Variants in GLIS3 observed in about 807,000 individuals in gnomAD.
GLIS3 encodes zinc finger protein GLIS3.
Under a neutral mutation model 78.6 loss-of-function variants are expected in GLIS3, and 53 were observed. The ratio of observed to expected loss-of-function variants is 0.67; its 90% CI spans 0.54 to 0.85. GLIS3 has a LOEUF of 0.85. GLIS3 is among the 40% of genes least tolerant of loss of function. GLIS3 has a pLI of 0.00. For missense variants in GLIS3, 1,703 were observed against 1,231.1 expected, an observed-to-expected ratio of 1.38 and a Z score of -5.74; for synonymous variants, 684 against 509.9, an observed-to-expected ratio of 1.34 and a Z score of -4.60.
At chr9:3,986,278 T>C (rs1433344274) in intron 4 of GLIS3, among the ~76,000 whole-genome samples, 2 of 152,190 alleles carry the variant, frequency 1.3e-5, no homozygotes, top group Admixed American at 6.5e-5. Context: ...GAGTCCATCA[T>C]GACCGAAAAA....
rs561168422 is a variant in GLIS3 at position 3,879,183 on chromosome 9, T to G, written c.2297+244A>C. ...AAAGACAGGGAAATTCTGGTGTGTT[T>G]CCAGCATCTGAAACTTTGGCTGGCT... On this transcript the variant is annotated intron_variant, in intron 8 of 10. Coordinates refer to ENST00000381971, the MANE Select transcript of GLIS3 (RefSeq NM_001042413.2). 2.6e-5 allele frequency among the ~76,000 whole-genome samples: 4 copies of G among 152,312 alleles called. No homozygotes were observed. The East Asian group carries it at 7.7e-4, about 29-fold the overall frequency.
chr9:4,328,600 C>A (rs944456096), intron 2 of GLIS3, among the ~76,000 whole-genome samples: 2 of 152,192 alleles, frequency 1.3e-5, no homozygotes, highest in Non-Finnish European at 2.9e-5. Context: ...ACTTCTGAAC[C>A]AAATCATGAT....
At chr9:4,135,058 T>C (rs187825092) in intron 2 of GLIS3, among the ~76,000 whole-genome samples, 7 of 152,242 alleles carry the variant, frequency 4.6e-5, no homozygotes, top group African/African-American at 1.7e-4. Flanking sequence ...AAGAAATACA[T>C]TATTTATTGT....
intron 7 of GLIS3, among the ~76,000 whole-genome samples, chr9:3,890,746 C>A (rs183546464): frequency 6.7e-6 from 1 of 149,670 alleles, no homozygotes; most frequent in Non-Finnish European, 1.5e-5. Context: ...ACAAAACAAA[C>A]CAAACAACAA....
chr9:4,195,584 C>A (rs112469609), intron 2 of GLIS3, among the ~76,000 whole-genome samples: 3 of 152,372 alleles, frequency 2.0e-5, no homozygotes, highest in Admixed American at 2.0e-4. Context: ...CTCCCCTCCA[C>A]GGGCTCCCAC....
At chr9:4,254,028 C>A (rs1456372969) in intron 2 of GLIS3, among the ~76,000 whole-genome samples, 1 of 152,162 alleles carries the variant, frequency 6.6e-6, no homozygotes, top group Non-Finnish European at 1.5e-5. Flanking sequence ...GAGCTGCAGA[C>A]CTGAGTTGTT....
intron 8 of GLIS3, among the ~76,000 whole-genome samples, chr9:3,856,939 A>G (rs10973850): frequency 0.41 from 62,051 of 152,010 alleles, 13,001 homozygotes; most frequent in South Asian, 0.48. Context: ...TATGAAATGG[A>G]TGATTGTACA....
At chr9:3,979,665 A>G (rs145453193) in intron 4 of GLIS3, among the ~76,000 whole-genome samples, 45 of 152,210 alleles carry the variant, frequency 3.0e-4, no homozygotes, top group Middle Eastern at 3.4e-3. Context: ...CACAACACTT[A>G]CCACACAGTT....
At chr9:4,057,778 C>G (rs1314295562) in intron 4 of GLIS3, among the ~76,000 whole-genome samples, 2 of 152,044 alleles carry the variant, frequency 1.3e-5, no homozygotes, top group Non-Finnish European at 2.9e-5. Flanking sequence ...TTGGCAAAGA[C>G]ATGATAATAC....
intron 2 of GLIS3, among the ~76,000 whole-genome samples, chr9:4,230,454 C>G (rs1319918300): frequency 6.6e-6 from 1 of 152,118 alleles, no homozygotes; most frequent in African/African-American, 2.4e-5. Context: ...TGAAAATACC[C>G]AGATAGCCAC....
chr9:4,023,246 T>C (rs917972936), intron 4 of GLIS3, among the ~76,000 whole-genome samples: 9 of 152,176 alleles, frequency 5.9e-5, no homozygotes. Flanking sequence ...AGATTCTAAG[T>C]TCCTGGTACT....
rs573807776 is a variant in GLIS3 at position 4,222,666 on chromosome 9, C to T, written c.388+63372G>A. ...GTGTTTGGATGTGAAGGTCAAAGAACAGTGCTACTGTAAGAGGAAGAATAA... is the reference window on the plus strand; with the variant it reads ...GTGTTTGGATGTGAAGGTCAAAGAATAGTGCTACTGTAAGAGGAAGAATAA... On this transcript the variant is annotated intron_variant, in intron 2 of 10. Coordinates refer to ENST00000381971, the MANE Select transcript of GLIS3 (RefSeq NM_001042413.2). Among the ~76,000 whole-genome samples, 5 of 152,300 alleles carry T rather than the reference C, an allele frequency of 3.3e-5. No individual in the cohort carries two copies. In the East Asian group the frequency reaches 7.7e-4, roughly 24 times the overall value.
chr9:4,231,275 G>A (rs1019233810), intron 2 of GLIS3, among the ~76,000 whole-genome samples: 6 of 152,096 alleles, frequency 3.9e-5, no homozygotes, highest in African/African-American at 7.2e-5. Flanking sequence ...ATCTATACGT[G>A]ACATATTAAA....
the GLIS3 span, among the ~76,000 whole-genome samples, chr9:4,425,788 G>T: frequency 6.6e-6 from 1 of 152,180 alleles, no homozygotes; most frequent in African/African-American, 2.4e-5. Context: ...GGGCAAAGGT[G>T]AACACCAAGC....
chr9:4,481,515 A>AGTGTGTGTGTGTGTGTGTGT, the GLIS3 span, among the ~76,000 whole-genome samples: 8 of 147,474 alleles, frequency 5.4e-5, 1 homozygote, highest in Admixed American at 4.8e-4. Context: ...TAAAAACATA[A>AGTGTGTGTGTGTGTGTGTGT]GTGTGTGTGT....
At chr9:4,184,534 G>A (rs901801868) in intron 2 of GLIS3, among the ~76,000 whole-genome samples, 3 of 152,294 alleles carry the variant, frequency 2.0e-5, no homozygotes, top group East Asian at 1.9e-4. Flanking sequence ...CCCCTAATCC[G>A]GGACTGGGAG....
intron 2 of GLIS3, among the ~76,000 whole-genome samples, chr9:4,275,833 T>C (rs1465631226): frequency 1.3e-5 from 2 of 152,188 alleles, no homozygotes; most frequent in Non-Finnish European, 2.9e-5. Context: ...ACCAGCAAAC[T>C]GAGCCTTGAT....
chr9:4,072,370 A>G (rs1266640476), intron 4 of GLIS3, among the ~76,000 whole-genome samples: 1 of 152,234 alleles, frequency 6.6e-6, no homozygotes, highest in East Asian at 1.9e-4. Context: ...CTTAGTTGAC[A>G]AGTCCAAAGC....
chr9:3,862,628 C>T (rs1243817441), intron 8 of GLIS3, among the ~76,000 whole-genome samples: 1 of 152,128 alleles, frequency 6.6e-6, no homozygotes, highest in Non-Finnish European at 1.5e-5. Context: ...CAGTTCCAGC[C>T]AGCAGTGCAG....
Sources: gnomAD v4.1 joint callset for allele counts (sites outside exome capture counted in the v4.1 genomes callset) on GRCh38, gnomAD v4.1.1 for gene constraint, MANE v1.5 for transcripts, NCBI Gene and HGNC (gene_info 2026-07-23, HGNC 2026-07-21) for gene names.